Variants in GALNT17 observed in about 807,000 individuals in gnomAD.
The protein encoded by GALNT17 is UDP-GalNAc:polypeptide N-acetylgalactosaminyltransferase-like 3.
Under a neutral mutation model 63.7 loss-of-function variants are expected in GALNT17, and 29 were observed. That is an observed-to-expected ratio of 0.46 (90% CI 0.34 to 0.62). GALNT17 has a LOEUF of 0.62. GALNT17 is among the 20% of genes least tolerant of loss of function. The pLI is 0.01. For missense variants in GALNT17, 603 were observed against 799.6 expected (o/e 0.75, Z 2.97); for synonymous variants, 305 against 318.3 (o/e 0.96, Z 0.45).
intron 9 of GALNT17, among the ~76,000 whole-genome samples, chr7:71,688,357 G>A (rs536470034): frequency 1.3e-4 from 20 of 152,180 alleles, no homozygotes; most frequent in East Asian, 5.8e-4. Context: ...TGGGCCCTGC[G>A]TCCATCAGCC....
intron 1 of GALNT17, among the ~76,000 whole-genome samples, chr7:71,332,966 G>A (rs993622609): frequency 6.6e-6 from 1 of 152,162 alleles, no homozygotes; most frequent in African/African-American, 2.4e-5. Context: ...GGGATTACAG[G>A]CGTGAGCCAT....
Position 71,155,637 on chromosome 7 carries a change from A to G in GALNT17, c.238+22597A>G, listed in dbSNP as rs748343898. 4.9e-4 allele frequency among the ~76,000 whole-genome samples: 74 copies of G among 151,156 alleles called. 1 individual carries two copies. Among genetic ancestry groups the G allele is most frequent in the Admixed American group, 5.9e-4 (9 of 15,166 alleles). On this transcript the variant is annotated intron_variant, in intron 1 of 10. Transcript: ENST00000333538. ...TTTTTTTCCTTTTTTGTTGCCTACT[A>G]TTGCTACCTCTGAAGACAGCCTGTT...
At chr7:71,684,172 A>G (rs962681472) in intron 9 of GALNT17, among the ~76,000 whole-genome samples, 2 of 152,110 alleles carry the variant, frequency 1.3e-5, no homozygotes, top group African/African-American at 4.8e-5. Flanking sequence ...TGGGTCCCCA[A>G]GCTAGAGCAA....
chr7:71,281,224 C>G (rs893992914), intron 1 of GALNT17, among the ~76,000 whole-genome samples: 1 of 152,184 alleles, frequency 6.6e-6, no homozygotes, highest in East Asian at 1.9e-4. Flanking sequence ...TGGGCACTCT[C>G]TAGTCTAAGA....
At chr7:71,536,903 A>G (rs1788811095) in intron 5 of GALNT17, among the ~76,000 whole-genome samples, 1 of 152,184 alleles carries the variant, frequency 6.6e-6, no homozygotes. Flanking sequence ...AGTTAACCCT[A>G]TCTCCTGGAA....
intron 8 of GALNT17, among the ~76,000 whole-genome samples, chr7:71,673,217 G>A (rs1791097872): frequency 6.6e-6 from 1 of 152,086 alleles, no homozygotes; most frequent in Admixed American, 6.6e-5. Context: ...TCTGAAATAA[G>A]GACAAAGATT....
At chr7:71,367,370 C>G (rs1322786277) in intron 2 of GALNT17, among the ~76,000 whole-genome samples, 1 of 152,054 alleles carries the variant, frequency 6.6e-6, no homozygotes, top group Non-Finnish European at 1.5e-5. Flanking sequence ...ATGGGTTTAC[C>G]TTGACATGTG....
At chr7:71,635,153 G>C (rs1260808637) in intron 6 of GALNT17, among the ~76,000 whole-genome samples, 5 of 147,796 alleles carry the variant, frequency 3.4e-5, no homozygotes, top group Non-Finnish European at 5.9e-5. Context: ...GTTGCAGTGA[G>C]CCGAGATCTC....
At position 71,356,263 on chromosome 7, in the gene GALNT17, A is replaced by G. The variant is rs569945590; in HGVS notation, c.422+20530A>G. Among the ~76,000 whole-genome samples the G allele has an allele frequency of 2.1e-4, 32 of 152,284 alleles. 1 individual carries two copies. In the South Asian group the frequency reaches 6.6e-3, roughly 32 times the overall value. On this transcript the variant is annotated intron_variant, in intron 2 of 10. Coordinates refer to ENST00000333538, the MANE Select transcript of GALNT17 (RefSeq NM_022479.3). Reference sequence around the variant, plus strand: ...AAAGTGCTGAGATTTGCTTACATTCATTAATTTTGTTGATTTGCAATGATT... The same window carrying G: ...AAAGTGCTGAGATTTGCTTACATTCGTTAATTTTGTTGATTTGCAATGATT...
In GALNT17 at chr7:71,559,488, A is replaced by G. The variant is rs147371593; in HGVS notation, c.963-11797A>G. Among the ~76,000 whole-genome samples the G allele has an allele frequency of 5.3e-5, 8 of 152,300 alleles. No homozygotes were observed. In the East Asian group the frequency reaches 1.4e-3, roughly 26 times the overall value. The stretch of plus-strand genomic sequence containing the variant: ...TATTTGCATATGCTTCCCCTTGGTC[A>G]GGTTACTGAACCTCTGAGCCTCAGT... On this transcript the variant is annotated intron_variant, in intron 5 of 10. Coordinates refer to ENST00000333538, the MANE Select transcript of GALNT17 (RefSeq NM_022479.3).
At chr7:71,335,784 T>C (rs1791890136) in intron 2 of GALNT17, 51 bp downstream of exon 2, 3 of 1,407,480 alleles carry the variant, frequency 2.1e-6, no homozygotes, top group Admixed American at 5.1e-5. Flanking sequence ...TCAGAGTGGG[T>C]GTAGACCCCT....
intron 1 of GALNT17, among the ~76,000 whole-genome samples, chr7:71,332,974 C>T (rs1027735110): frequency 1.3e-5 from 2 of 152,230 alleles, no homozygotes; most frequent in African/African-American, 4.8e-5. Flanking sequence ...AGGCGTGAGC[C>T]ATGGCCCCCA....
chr7:71,482,544 A>G (rs757468802), intron 5 of GALNT17, among the ~76,000 whole-genome samples: 2 of 152,194 alleles, frequency 1.3e-5, no homozygotes, highest in Non-Finnish European at 1.5e-5. Context: ...GGCCTAGCCT[A>G]TTACACTCCT....
At chr7:71,450,985 G>A (rs1464933523) in intron 5 of GALNT17, among the ~76,000 whole-genome samples, 1 of 149,668 alleles carries the variant, frequency 6.7e-6, no homozygotes, top group South Asian at 2.1e-4. Flanking sequence ...CAATGTGCAG[G>A]TTTGCTACAT....
At chr7:71,195,973 GA>G (rs1457756216) in intron 1 of GALNT17, among the ~76,000 whole-genome samples, 1 of 152,024 alleles carries the variant, frequency 6.6e-6, no homozygotes. Context: ...TCTCTAATGG[GA>G]AACTCTTCTC....
intron 1 of GALNT17, among the ~76,000 whole-genome samples, chr7:71,191,368 A>G (rs62459645): frequency 0.088 from 12,480 of 142,354 alleles, 572 homozygotes; most frequent in East Asian, 0.15. Context: ...TTTTTTTTGC[A>G]TTTTTCTCAA....
intron 5 of GALNT17, among the ~76,000 whole-genome samples, chr7:71,512,014 C>CT (rs11409175): frequency 0.39 from 51,434 of 131,398 alleles, 11,310 homozygotes; most frequent in East Asian, 0.78. Context: ...GGGTTCCAGC[C>CT]TTTTTTTTTT....
intron 9 of GALNT17, among the ~76,000 whole-genome samples, chr7:71,707,080 T>A (rs1016522861): frequency 1.2e-4 from 18 of 152,240 alleles, no homozygotes; most frequent in African/African-American, 4.3e-4. Flanking sequence ...ATGTAAAGAA[T>A]AATAAAACAT....
intron 6 of GALNT17, among the ~76,000 whole-genome samples, chr7:71,591,663 G>A (rs1789803517): frequency 7.0e-6 from 1 of 142,950 alleles, no homozygotes; most frequent in African/African-American, 3.0e-5. Flanking sequence ...TTGTTTGTTT[G>A]TTCGTTTGTT....
Sources: gnomAD v4.1 joint callset for allele counts (sites outside exome capture counted in the v4.1 genomes callset) on GRCh38, gnomAD v4.1.1 for gene constraint, MANE v1.5 for transcripts, NCBI Gene and HGNC (gene_info 2026-07-23, HGNC 2026-07-21) for gene names.